Variants in GRPEL2 observed in about 807,000 individuals in gnomAD.
GRPEL2 encodes the protein grpE protein homolog 2, mitochondrial.
Under a neutral mutation model 25.9 loss-of-function variants are expected in GRPEL2, and 18 were observed. The observed-to-expected ratio is 0.70, with a 90% CI of 0.48 to 1.03. The LOEUF is 1.03. Ranked by LOEUF, GRPEL2 falls within the 50% of genes least tolerant of loss-of-function variation. The pLI is 0.00. For missense variants in GRPEL2, 247 were observed against 276.2 expected (o/e 0.89, Z 0.75); for synonymous variants, 106 against 107.9 (o/e 0.98, Z 0.11).
rs762101047 is a variant in GRPEL2, at chr5:149,351,234, T to C, written c.630T>C (p.Ile210=). 10 of 1,613,032 alleles carry C rather than the reference T, an allele frequency of 6.2e-6. No individual in the cohort carries two copies. Among genetic ancestry groups the C allele is most frequent in the Non-Finnish European group, 6.8e-6 (8 of 1,179,210 alleles). Residue 210 remains isoleucine (I), a synonymous_variant, in exon 4 of 4, where the codon ATT becomes ATC. Transcript: ENST00000329271. ...QDGYKLHGRT[I]RLARVEVAVE... Reference sequence around the variant, plus strand: ...GCTACAAACTTCATGGCCGCACCATTAGGCTTGCCCGAGTGGAAGTGGCAG... The same window carrying C: ...GCTACAAACTTCATGGCCGCACCATCAGGCTTGCCCGAGTGGAAGTGGCAG...
intron 2 of GRPEL2, 100 bp downstream of exon 2, chr5:149,348,525 G>T (rs1051502790): frequency 1.5e-5 from 15 of 1,010,944 alleles, no homozygotes; most frequent in Non-Finnish European, 2.0e-5. Flanking sequence ...TTCTTTAATT[G>T]GCTCTTTATC....
Position 149,352,289 on chromosome 5 carries a change from TTAACA to T in GRPEL2, c.*1011_*1015del, listed in dbSNP as rs1012082806. ...ATGTTACTTTTTGCGATAAGAACAC[TTAACA>T]TAAGTATTCTCTCCTCTTGGCAATT... On this transcript the variant is annotated 3_prime_UTR_variant, in exon 4 of 4. Coordinates refer to ENST00000329271, the MANE Select transcript of GRPEL2 (RefSeq NM_152407.4). The T allele has an allele frequency of 6.6e-6, 1 of 152,092 alleles. No individual in the cohort carries two copies. The highest frequency in any genetic ancestry group is 1.5e-5 in the Non-Finnish European group (1 of 68,022). 9.4% of individuals were successfully genotyped at this position (152,092 alleles called of 1,614,324 possible). A position where few individuals can be genotyped will look rare whatever the true frequency, so the allele number is the denominator to read the frequency against.
intron 1 of GRPEL2, among the ~76,000 whole-genome samples, chr5:149,347,485 A>G (rs1241646193): frequency 6.6e-6 from 1 of 152,242 alleles, no homozygotes; most frequent in East Asian, 1.9e-4. Flanking sequence ...CCAGGTCAGG[A>G]CTGCCACAGC....
At chr5:149,349,564 AG>A in intron 2 of GRPEL2, 89 bp from the exon 3 acceptor site, 1 of 900,886 alleles carries the variant, frequency 1.1e-6, no homozygotes, top group Non-Finnish European at 1.7e-6. Flanking sequence ...ACCTATCAAA[AG>A]GGTGAAATTT....
intron 3 of GRPEL2, 186 bp downstream of exon 3, chr5:149,349,921 G>A (rs113605408): frequency 1.7e-6 from 1 of 581,070 alleles, no homozygotes; most frequent in Non-Finnish European, 3.0e-6. Context: ...GCAGGCGCCT[G>A]TAATCCCAGC....
Position 149,348,427 on chromosome 5 carries a change from T to G in GRPEL2, c.231+2T>G, listed in dbSNP as rs1757722996. ...GAGAAAGAAGTCCAAGATTTAACAG[T>G]GAGTCAATTTTATATTTCTTCTTCA... On this transcript the variant is annotated splice_donor_variant, in intron 2 of 3. Transcript: ENST00000329271. LOFTEE classifies it high-confidence loss of function. The G allele has an allele frequency of 6.3e-7, 1 of 1,589,910 alleles. No homozygotes were observed. The highest frequency in any genetic ancestry group is 8.5e-7 in the Non-Finnish European group (1 of 1,171,954).
At chr5:149,346,882 C>T (rs888011123) in intron 1 of GRPEL2, among the ~76,000 whole-genome samples, 1 of 151,140 alleles carries the variant, frequency 6.6e-6, no homozygotes, top group Admixed American at 6.6e-5. Flanking sequence ...GGACTACAGG[C>T]GCCCGCCACT....
rs760018184 is a variant in GRPEL2 at position 149,350,928 on chromosome 5, T to G, written c.324T>G (p.Ser108Arg). 19 of 1,612,074 alleles carry G rather than the reference T, an allele frequency of 1.2e-5. No individual in the cohort carries two copies. Among genetic ancestry groups the G allele is most frequent in the Non-Finnish European group, 1.5e-5 (18 of 1,178,678 alleles). Residue 108 changes from serine to arginine, a missense_variant, in exon 4 of 4, where the codon AGT becomes AGG. Around this residue, in one of 2 missense-constraint regions of GRPEL2, gnomAD observed 122 missense variants for 169.2 expected, o/e 0.72. Transcript: ENST00000329271. ...VEDAKIFGIQ[S>R]FCKDLVEVAD... is the part of the protein sequence containing the mutation. The stretch of plus-strand genomic sequence containing the variant: ...CTGGCTTCTCTGCAGGAATCCAGAG[T>G]TTCTGTAAGGACTTGGTGGAGGTGG...
At chr5:149,347,409 G>C (rs1456319234) in intron 1 of GRPEL2, among the ~76,000 whole-genome samples, 1 of 152,176 alleles carries the variant, frequency 6.6e-6, no homozygotes, top group Non-Finnish European at 1.5e-5. Context: ...TGATTTTCAA[G>C]ATAATTTTAC....
At chr5:149,350,253 T>C (rs755858050) in intron 3 of GRPEL2, among the ~76,000 whole-genome samples, 7 of 152,240 alleles carry the variant, frequency 4.6e-5, no homozygotes, top group Non-Finnish European at 4.4e-5. Flanking sequence ...AGTTTTAGAA[T>C]TGAGCGTAAT....
rs114934132 is a variant in GRPEL2 at position 149,350,099 on chromosome 5, G to A, written c.313+364G>A. Among the ~76,000 whole-genome samples the A allele has an allele frequency of 8.8e-3, 1,335 of 152,076 alleles. 19 individuals carry two copies. The highest frequency in any genetic ancestry group is 0.031 in the African/African-American group (1,266 of 41,458). On this transcript the variant is annotated intron_variant, in intron 3 of 3. Transcript: ENST00000329271. ...CAAAGTCAAAGACCTAGCCTGTTTT[G>A]ACACAAGGCCTTAAGCCTGTCCCTG...
At chr5:149,348,498 A>G (rs1412294902) in intron 2 of GRPEL2, 73 bp downstream of exon 2, 26 of 1,286,780 alleles carry the variant, frequency 2.0e-5, no homozygotes, top group Admixed American at 2.6e-5. Flanking sequence ...TTTTATGTCA[A>G]TTTTCAAAAT....
rs1167344999 is a variant in GRPEL2, at chr5:149,353,858, T to C, written c.*2576T>C. 1 of 152,228 alleles carries C rather than the reference T, an allele frequency of 6.6e-6. No individual in the cohort carries two copies. The allele number at this position is 152,228 out of a possible 1,614,324, so 9.4% of individuals were successfully genotyped here. On this transcript the variant is annotated 3_prime_UTR_variant, in exon 4 of 4. Transcript: ENST00000329271. The stretch of plus-strand genomic sequence containing the variant: ...TAGAGCATAGGCTTGAACTTAAATC[T>C]CAGCTCAGTCACCTGCAGGACTTTA...
chr5:149,345,672 C>G, intron 1 of GRPEL2, 56 bp downstream of exon 1: 1 of 1,450,608 alleles, frequency 6.9e-7, no homozygotes, highest in Non-Finnish European at 9.5e-7. Context: ...GCTAGCGAGC[C>G]AGCCGGGGTG....
intron 3 of GRPEL2, 97 bp downstream of exon 3, chr5:149,349,832 A>G (rs746891281): frequency 4.7e-6 from 4 of 856,152 alleles, no homozygotes; most frequent in Non-Finnish European, 3.9e-6. Flanking sequence ...GTCAGATCAC[A>G]TGAGATCAGG....
At chr5:149,348,451 C>T (rs1346557554) in intron 2 of GRPEL2, 26 bp downstream of exon 2, 1 of 1,553,108 alleles carries the variant, frequency 6.4e-7, no homozygotes. Context: ...ATTTCTTCTT[C>T]ATATCCTCTC....
At chr5:149,348,865 C>T (rs772340548) in intron 2 of GRPEL2, among the ~76,000 whole-genome samples, 6 of 151,514 alleles carry the variant, frequency 4.0e-5, no homozygotes, top group Non-Finnish European at 8.8e-5. Context: ...GCAAAACCAC[C>T]TAGATAGAAT....
At chr5:149,346,778 C>T (rs1757697308) in intron 1 of GRPEL2, among the ~76,000 whole-genome samples, 2 of 124,628 alleles carry the variant, frequency 1.6e-5, no homozygotes, top group Non-Finnish European at 3.2e-5. Context: ...CACTCTGTCG[C>T]CCAGGCTGGA....
Position 149,351,002 on chromosome 5 carries a change from C to G in GRPEL2, c.398C>G (p.Pro133Arg). Residue 133 changes from proline (P) to arginine (R), a missense_variant, in exon 4 of 4, where the codon CCT becomes CGT. By Grantham distance (103) the Pro-to-Arg change is moderately radical. Around this residue, in one of 2 missense-constraint regions of GRPEL2, gnomAD observed 122 missense variants for 169.2 expected, o/e 0.72. Coordinates refer to ENST00000329271, the MANE Select transcript of GRPEL2 (RefSeq NM_152407.4). ...TTECISEESE[P>R]EDQKLTLEKV... ...GAGTGCATTTCTGAAGAATCGGAGC[C>G]TGAGGACCAAAAGCTCACTCTGGAG... is the stretch of plus-strand genomic sequence containing the variant. The G allele has an allele frequency of 6.2e-7, 1 of 1,614,204 alleles. No homozygotes were observed. Among genetic ancestry groups the G allele is most frequent in the Non-Finnish European group, 8.5e-7 (1 of 1,180,028 alleles).
Sources: gnomAD v4.1 joint callset for allele counts (sites outside exome capture counted in the v4.1 genomes callset) on GRCh38, gnomAD v4.1.1 for gene constraint, gnomAD v4.1.1 regional missense constraint, MANE v1.5 for transcripts, NCBI Gene and HGNC (gene_info 2026-07-23, HGNC 2026-07-21) for gene names.